The following RYR2 variants were observed in gnomAD, a reference collection of about 807,000 sequenced individuals.
RYR2 encodes ryanodine receptor 2.
A neutral mutation model predicts 601.1 loss-of-function variants in RYR2; 227 were observed. The ratio of observed to expected loss-of-function variants is 0.38; its 90% CI spans 0.34 to 0.42. The LOEUF is 0.42. Ranked by LOEUF, RYR2 falls within the 10% of genes least tolerant of loss-of-function variation. The probability of loss-of-function intolerance (pLI) is 1.00; values close to 1 mark genes in which losing one functional copy is unlikely to be tolerated. For synonymous variants in RYR2, 2,223 were observed against 2,175.1 expected (o/e 1.02, Z -0.61); for missense variants, 4,646 against 6,156.5 (o/e 0.75, Z 8.21).
chr1:237,567,977 G>A lies in RYR2; in HGVS notation c.3424-1168G>A, dbSNP rs115967772. On this transcript the variant is annotated intron_variant, in intron 28 of 104. Coordinates refer to ENST00000366574, the MANE Select transcript of RYR2 (RefSeq NM_001035.3). ...TTAACACTTTTTTGGGGGGTTGGGGGGCGGTCAAAATTAGCAAACTTTAAA... is the reference window on the plus strand; with the variant it reads ...TTAACACTTTTTTGGGGGGTTGGGGAGCGGTCAAAATTAGCAAACTTTAAA... Among the ~76,000 whole-genome samples, 986 of 149,824 alleles carry A rather than the reference G, an allele frequency of 6.6e-3. 5 individuals are homozygous for A. Among genetic ancestry groups the A allele is most frequent in the Middle Eastern group, 0.038 (11 of 290 alleles).
rs149195721 is a variant in RYR2 at position 237,613,124 on chromosome 1, C to G, written c.4911-915C>G. Among the ~76,000 whole-genome samples, 48 of 152,288 alleles carry G rather than the reference C, an allele frequency of 3.2e-4. No individual in the cohort carries two copies. In the East Asian group the frequency reaches 6.4e-3, roughly 20 times the overall value. ...CAAATTCCAAAAAAGGAAGTCTTAA[C>G]TAGCATGGTTGAGAAGAATCTGATG... On this transcript the variant is annotated intron_variant, in intron 36 of 104. Coordinates refer to ENST00000366574, the MANE Select transcript of RYR2 (RefSeq NM_001035.3).
Position 237,808,574 on chromosome 1 carries a change from C to T in RYR2, c.14299-327C>T, listed in dbSNP as rs1574043323. Among the ~76,000 whole-genome samples the T allele has an allele frequency of 2.0e-5, 3 of 151,074 alleles. 1 individual carries two copies. Among genetic ancestry groups the T allele is most frequent in the South Asian group, 4.2e-4 (2 of 4,802 alleles). On this transcript the variant is annotated intron_variant, in intron 99 of 104. Transcript: ENST00000366574. ...ACTCGGGAGGCTGAGGCAGGAGAAT[C>T]GCTTGAACCCGGGAGGCAGAGGTTG... is the stretch of plus-strand genomic sequence containing the variant.
At chr1:237,142,901 C>T (rs959124026) in intron 1 of RYR2, among the ~76,000 whole-genome samples, 5 of 152,074 alleles carry the variant, frequency 3.3e-5, no homozygotes, top group Admixed American at 6.6e-5. Flanking sequence ...GGGGGCCTCT[C>T]GGTAGCACCG....
At position 237,180,083 on chromosome 1, in the gene RYR2, G is replaced by A. The variant is rs1678532704; in HGVS notation, c.49-90414G>A. Among the ~76,000 whole-genome samples, 1 of 152,042 alleles carries A rather than the reference G, an allele frequency of 6.6e-6. No homozygotes were observed. The highest frequency in any genetic ancestry group is 2.4e-5 in the African/African-American group (1 of 41,306). ...TGGGAGACCCGACTTACTGAGCCAT[G>A]TCCGTGTCGTCCTGTTGGTAAGGGC... On this transcript the variant is annotated intron_variant, in intron 1 of 104. Transcript: ENST00000366574. This position sits in a 1 kb window ranked among gnomAD's most constrained non-coding sequence, Gnocchi z 5.3.
At position 237,617,702 on chromosome 1, in the gene RYR2, C is replaced by T. The variant is rs554765411; in HGVS notation, c.5916+216C>T. ...TATTAGAAGATATCAGGTATATCAC[C>T]GACTCTTTGAGAAGGCCAAGATATG... On this transcript the variant is annotated intron_variant, in intron 38 of 104. Transcript: ENST00000366574. Among the ~76,000 whole-genome samples the T allele has an allele frequency of 1.2e-4, 18 of 152,194 alleles. No individual in the cohort carries two copies. In the South Asian group the frequency reaches 1.7e-3, roughly 14 times the overall value.
At chr1:237,565,206 T>C (rs1035924057) in intron 27 of RYR2, among the ~76,000 whole-genome samples, 21 of 137,346 alleles carry the variant, frequency 1.5e-4, no homozygotes, top group African/African-American at 4.9e-4. Flanking sequence ...TTTCTTTCTT[T>C]CTTTCTTTCT....
chr1:237,815,351 A>G (rs959954587), intron 100 of RYR2, among the ~76,000 whole-genome samples: 1 of 152,202 alleles, frequency 6.6e-6, no homozygotes, highest in Non-Finnish European at 1.5e-5. Flanking sequence ...ACAGCCATGT[A>G]TTGGAAGTTA....
chr1:237,671,518 T>TGC (rs1470386677), intron 58 of RYR2, among the ~76,000 whole-genome samples: 1 of 149,446 alleles, frequency 6.7e-6, no homozygotes, highest in Non-Finnish European at 1.5e-5. Flanking sequence ...TGTGTGTGTG[T>TGC]GCGTGTGTGT....
intron 29 of RYR2, among the ~76,000 whole-genome samples, chr1:237,586,877 G>A (rs911646972): frequency 3.3e-5 from 5 of 151,780 alleles, no homozygotes; most frequent in South Asian, 2.1e-4. Context: ...CCACCACCAT[G>A]CCCGGCTAAT....
intron 1 of RYR2, among the ~76,000 whole-genome samples, chr1:237,259,047 G>A (rs1688263923): frequency 6.6e-6 from 1 of 151,888 alleles, no homozygotes; most frequent in Non-Finnish European, 1.5e-5. Flanking sequence ...TGGTATTTGG[G>A]TGTTTCTGTC....
chr1:237,550,198 A>G (rs1202242864), intron 26 of RYR2, among the ~76,000 whole-genome samples: 1 of 152,206 alleles, frequency 6.6e-6, no homozygotes, highest in Non-Finnish European at 1.5e-5. Flanking sequence ...TTCTTGGAAT[A>G]AAACCCTGTC....
chr1:237,631,348 T>C lies in RYR2; in HGVS notation c.6441-79T>C, dbSNP rs1448970217. ...CTTTTCAACTCACATAAATTATTTC[T>C]AAAAGATTTATGAGGAACTTGGTTA... On this transcript the variant is annotated intron_variant, in intron 41 of 104. Coordinates refer to ENST00000366574, the MANE Select transcript of RYR2 (RefSeq NM_001035.3). 2.7e-5 allele frequency: 23 copies of C among 862,396 alleles called. No individual in the cohort carries two copies. In the East Asian group the frequency reaches 6.4e-4, roughly 24 times the overall value. 53.4% of individuals were successfully genotyped at this position (862,396 alleles called of 1,614,324 possible).
chr1:237,428,931 G>GCA (rs1706494163), intron 12 of RYR2, among the ~76,000 whole-genome samples: 2 of 151,946 alleles, frequency 1.3e-5, no homozygotes, highest in African/African-American at 2.4e-5. Context: ...TTCATGATAC[G>GCA]CACACACACC....
At chr1:237,608,409 C>G (rs1255074483) in intron 35 of RYR2, among the ~76,000 whole-genome samples, 1 of 152,014 alleles carries the variant, frequency 6.6e-6, no homozygotes, top group Admixed American at 6.6e-5. Context: ...TTAAGCAAAA[C>G]AATGGGAGAG....
At chr1:237,468,101 G>A (rs1002667891) in intron 16 of RYR2, among the ~76,000 whole-genome samples, 3 of 151,768 alleles carry the variant, frequency 2.0e-5, no homozygotes, top group Non-Finnish European at 2.9e-5. Flanking sequence ...CTCATGATCC[G>A]CCCACCTCAG....
Position 237,760,876 on chromosome 1 carries a change from T to A in RYR2, c.11403-79T>A, listed in dbSNP as rs545206360. 121 of 824,362 alleles carry A rather than the reference T, an allele frequency of 1.5e-4. No individual in the cohort carries two copies. The African/African-American group carries it at 1.7e-3, about 12-fold the overall frequency. 51.1% of individuals were successfully genotyped at this position (824,362 alleles called of 1,614,324 possible). A position where few individuals can be genotyped will look rare whatever the true frequency, so the allele number is the denominator to read the frequency against. On this transcript the variant is annotated intron_variant, in intron 83 of 104. Transcript: ENST00000366574. ...TTGCTTCATCTTCCAAGATATATGG[T>A]GTTTAGATGTTTGCTCTCCTGAGCA...
At chr1:237,154,258 C>T (rs1675060539) in intron 1 of RYR2, among the ~76,000 whole-genome samples, 1 of 152,150 alleles carries the variant, frequency 6.6e-6, no homozygotes, top group South Asian at 2.1e-4. Flanking sequence ...GTTTGGTACT[C>T]CATTGTTATT....
intron 1 of RYR2, among the ~76,000 whole-genome samples, chr1:237,149,304 A>G (rs1404692523): frequency 6.6e-6 from 1 of 151,976 alleles, no homozygotes; most frequent in East Asian, 1.9e-4. Context: ...ACAAAAAACA[A>G]ACAAAAACAA....
chr1:237,219,314 G>C (rs937370301), intron 1 of RYR2, among the ~76,000 whole-genome samples: 1 of 152,030 alleles, frequency 6.6e-6, no homozygotes, highest in African/African-American at 2.4e-5. Context: ...CACTGCACCC[G>C]GCCTATACTT....
Sources: gnomAD v4.1 joint callset for allele counts (sites outside exome capture counted in the v4.1 genomes callset) on GRCh38, gnomAD v4.1.1 for gene constraint, Gnocchi (gnomAD v3.1) non-coding constraint, MANE v1.5 for transcripts, NCBI Gene and HGNC (gene_info 2026-07-23, HGNC 2026-07-21) for gene names.